Variants in PANK2 observed in about 807,000 individuals in gnomAD.
PANK2 encodes the protein pantothenate kinase 2.
A neutral mutation model predicts 43.1 loss-of-function variants in PANK2; 36 were observed. That is an observed-to-expected ratio of 0.84 (90% confidence interval 0.64 to 1.10). The LOEUF is 1.10. Among genes scored for constraint, PANK2 ranks in the 50% least tolerant of loss-of-function variants. PANK2 has a pLI of 0.00. For synonymous variants in PANK2, 281 were observed against 238.2 expected (o/e 1.18, Z -1.66); for missense variants, 576 against 593.3 (o/e 0.97, Z 0.30).
Position 3,924,229 on chromosome 20 carries a change from TTC to T in PANK2, c.*937_*938del, listed in dbSNP as rs1339758736. The T allele has an allele frequency of 6.6e-6, 1 of 152,288 alleles. No individual in the cohort carries two copies. Among genetic ancestry groups the T allele is most frequent in the African/African-American group, 2.4e-5 (1 of 41,470 alleles). The allele number at this position is 152,288 out of a possible 1,614,324, so 9.4% of individuals were successfully genotyped here. A position where few individuals can be genotyped will look rare whatever the true frequency, so the allele number is the denominator to read the frequency against. On this transcript the variant is annotated 3_prime_UTR_variant, in exon 7 of 7. Coordinates refer to ENST00000610179, the MANE Select transcript of PANK2 (RefSeq NM_001386393.1). ...TCTTGGTAGGGGCTGAAGCTTTTCT[TTC>T]TGCTTTGCAGAATAATTTCAAAAGC...
At chr20:3,909,243 GC>G (rs1192949920) in intron 2 of PANK2, among the ~76,000 whole-genome samples, 2 of 152,110 alleles carry the variant, frequency 1.3e-5, no homozygotes, top group Non-Finnish European at 2.9e-5. Context: ...ACCACGCCCG[GC>G]TAATTTTGTA....
At chr20:3,911,723 C>T (rs1004094264) in intron 3 of PANK2, among the ~76,000 whole-genome samples, 6 of 151,104 alleles carry the variant, frequency 4.0e-5, no homozygotes, top group African/African-American at 1.5e-4. Context: ...GAAACCCCAT[C>T]TCTACTAAAA....
intron 1 of PANK2, among the ~76,000 whole-genome samples, chr20:3,906,769 G>A (rs1212513910): frequency 6.6e-6 from 1 of 152,078 alleles, no homozygotes; most frequent in East Asian, 1.9e-4. Context: ...CCTTCCATAT[G>A]TCTGTGCAGT....
rs778550409 is a variant in PANK2 at position 3,910,770 on chromosome 20, CAG to C, written c.846_847del (p.Val284Ter). 5.0e-6 allele frequency: 8 copies of C among 1,614,074 alleles called. No homozygotes were observed. In the Admixed American group the frequency reaches 8.3e-5, roughly 17 times the overall value. On this transcript the variant is annotated frameshift_variant, in exon 3 of 7. Transcript: ENST00000610179. LOFTEE classifies it high-confidence loss of function. The stretch of plus-strand genomic sequence containing the variant: ...CCTCTGCTTCTGGTGAACATTGGCT[CAG>C]GGGTTAGCATCTTAGCAGTATATTC...
Position 3,908,116 on chromosome 20 carries a change from G to A in PANK2, c.489G>A (p.Leu163=), listed in dbSNP as rs71647837. ...ACGTGCACCTCGAGCTGAAGGACCT[G>A]ACTCTGTGTGGACGCAAAGGCAATC... The change falls in exon 2 of 7, where the codon CTG becomes CTA. Residue 163 remains leucine (L), a synonymous_variant. Transcript: ENST00000610179. 448 of 1,614,188 alleles carry A rather than the reference G, an allele frequency of 2.8e-4. 1 individual carries two copies. The African/African-American group carries it at 5.6e-3, about 20-fold the overall frequency.
At chr20:3,891,659 T>C (rs1050064702) in intron 1 of PANK2, among the ~76,000 whole-genome samples, 2 of 152,242 alleles carry the variant, frequency 1.3e-5, no homozygotes, top group South Asian at 2.1e-4. Flanking sequence ...TTTTAGATAC[T>C]GTGGAAGTAC....
rs539608388 is a variant in PANK2 at position 3,902,735 on chromosome 20, C to G, written c.299-5191C>G. The stretch of plus-strand genomic sequence containing the variant: ...TGCACCCAGCCAGGTTCCATTTTCT[C>G]TATATTGACTATATTGACCTTTCTT... On this transcript the variant is annotated intron_variant, in intron 1 of 6. Coordinates refer to ENST00000610179, the MANE Select transcript of PANK2 (RefSeq NM_001386393.1). 2.6e-5 allele frequency among the ~76,000 whole-genome samples: 4 copies of G among 151,808 alleles called. No individual in the cohort carries two copies. In the South Asian group the frequency reaches 6.3e-4, roughly 24 times the overall value.
chr20:3,916,875 T>G (rs2090568330), intron 4 of PANK2, 52 bp from the exon 5 acceptor site: 1 of 1,611,506 alleles, frequency 6.2e-7, no homozygotes. Context: ...CAAGTTCTGT[T>G]GGGCTTTGTT....
chr20:3,918,368 TTTTG>T (rs980056981), intron 5 of PANK2, among the ~76,000 whole-genome samples: 6 of 152,330 alleles, frequency 3.9e-5, no homozygotes, highest in Admixed American at 2.6e-4. Context: ...TACTGTTTTT[TTTTG>T]TTTATTTTAA....
At chr20:3,912,196 G>C (rs2090478313) in intron 3 of PANK2, among the ~76,000 whole-genome samples, 1 of 152,174 alleles carries the variant, frequency 6.6e-6, no homozygotes, top group Non-Finnish European at 1.5e-5. Context: ...ATTTGCACCT[G>C]AGGCTCTTCA....
intron 6 of PANK2, among the ~76,000 whole-genome samples, chr20:3,919,126 G>A (rs892263719): frequency 6.6e-5 from 10 of 152,066 alleles, no homozygotes; most frequent in African/African-American, 2.4e-4. Flanking sequence ...AAGCTGGTCT[G>A]GTCTCAAACT....
Position 3,910,639 on chromosome 20 carries a change from C to T in PANK2, c.714C>T (p.Tyr238=), listed in dbSNP as rs1336072579. The T allele has an allele frequency of 1.2e-6, 2 of 1,614,040 alleles. No individual in the cohort carries two copies. Among genetic ancestry groups the T allele is most frequent in the Admixed American group, 1.7e-5 (1 of 59,990 alleles). ...ATTGCTTGATCAAAGGAATTTTATA[C>T]ATTGACTCAGTCGGATTCAATGGAC... Residue 238 remains tyrosine, a synonymous_variant, in exon 3 of 7, where the codon TAC becomes TAT. Transcript: ENST00000610179.
At chr20:3,900,401 G>A (rs1388426178) in intron 1 of PANK2, among the ~76,000 whole-genome samples, 2 of 151,684 alleles carry the variant, frequency 1.3e-5, no homozygotes, top group Non-Finnish European at 2.9e-5. Context: ...GACCTTTACT[G>A]TACTATGGCT....
intron 1 of PANK2, among the ~76,000 whole-genome samples, chr20:3,903,754 A>C (rs1346558735): frequency 6.6e-6 from 1 of 150,882 alleles, no homozygotes; most frequent in Non-Finnish European, 1.5e-5. Flanking sequence ...CAGCTTTCTT[A>C]GTAGCTGGGA....
intron 1 of PANK2, among the ~76,000 whole-genome samples, chr20:3,898,529 T>G (rs1024367517): frequency 1.3e-5 from 2 of 152,144 alleles, no homozygotes; most frequent in South Asian, 2.1e-4. Context: ...TTAATAAATA[T>G]GTAAGGCTAG....
rs1205522891 is a variant in PANK2, at chr20:3,908,149, T to C, written c.522T>C (p.Phe174=). 1.2e-6 allele frequency: 2 copies of C among 1,614,102 alleles called. No homozygotes were observed. Among genetic ancestry groups the C allele is most frequent in the Admixed American group, 1.7e-5 (1 of 60,004 alleles). ...GTGGACGCAAAGGCAATCTGCACTT[T>C]ATACGCTTTCCCACTCATGACATGC... Residue 174 remains phenylalanine (F), a synonymous_variant, in exon 2 of 7, where the codon TTT becomes TTC. Coordinates refer to ENST00000610179, the MANE Select transcript of PANK2 (RefSeq NM_001386393.1).
At position 3,923,504 on chromosome 20, in the gene PANK2, A is replaced by C; in HGVS notation, c.*210A>C. 1.7e-6 allele frequency: 1 copy of C among 604,470 alleles called. No homozygotes were observed. The highest frequency in any genetic ancestry group is 2.0e-5 in the South Asian group (1 of 49,440). The allele number at this position is 604,470 out of a possible 1,614,324, so 37.4% of individuals were successfully genotyped here. A position where few individuals can be genotyped will look rare whatever the true frequency, so the allele number is the denominator to read the frequency against. On this transcript the variant is annotated 3_prime_UTR_variant, in exon 7 of 7. Transcript: ENST00000610179. Reference sequence around the variant, plus strand: ...AAAAATATATTAAAAACAACAAAAAAGTGGCACATGTCCAGGCAGTGTGAG... The same window carrying C: ...AAAAATATATTAAAAACAACAAAAACGTGGCACATGTCCAGGCAGTGTGAG...
intron 1 of PANK2, among the ~76,000 whole-genome samples, chr20:3,892,987 AGATT>A (rs2146816696): frequency 6.6e-6 from 1 of 152,256 alleles, no homozygotes; most frequent in African/African-American, 2.4e-5. Flanking sequence ...TACCAAATAA[AGATT>A]GATTTTAAAA....
chr20:3,911,595 A>C (rs1429042509), intron 3 of PANK2, among the ~76,000 whole-genome samples: 2 of 141,936 alleles, frequency 1.4e-5, no homozygotes, highest in African/African-American at 5.2e-5. Flanking sequence ...AAAAAAAAAG[A>C]AAAGAGAGTA....
Sources: gnomAD v4.1 joint callset for allele counts (sites outside exome capture counted in the v4.1 genomes callset) on GRCh38, gnomAD v4.1.1 for gene constraint, MANE v1.5 for transcripts, NCBI Gene and HGNC (gene_info 2026-07-23, HGNC 2026-07-21) for gene names.